ADGRG3: variants seen among roughly 807,000 people sequenced by gnomAD.
ADGRG3 encodes the protein adhesion G protein-coupled receptor G3.
In ADGRG3, 39 loss-of-function variants were observed where a neutral mutation model predicts 54.3. The ratio of observed to expected loss-of-function variants is 0.72; its 90% confidence interval spans 0.56 to 0.94. The LOEUF (loss-of-function observed/expected upper bound fraction) is 0.94. ADGRG3 is among the 40% of genes least tolerant of loss of function. ADGRG3 has a pLI of 0.00. For missense variants in ADGRG3, 654 were observed against 694.6 expected, an observed-to-expected ratio of 0.94 and a Z score of 0.66; for synonymous variants, 312 against 290.0, an observed-to-expected ratio of 1.08 and a Z score of -0.77.
At chr16:57,687,398 C>T (rs2148717222) in intron 11 of ADGRG3, among the ~76,000 whole-genome samples, 1 of 152,298 alleles carries the variant, frequency 6.6e-6, no homozygotes, top group East Asian at 1.9e-4. Context: ...ACTACAGGCA[C>T]ATGCCACCAT....
rs577213052 is a variant in ADGRG3 at position 57,668,854 on chromosome 16, C to A, written c.58+449C>A. Reference sequence around the variant, plus strand: ...CCTCGTTCTTCTGGACCTCTCCTCCCGCACATGTCACCCCACACCGGCTCC... The same window carrying A: ...CCTCGTTCTTCTGGACCTCTCCTCCAGCACATGTCACCCCACACCGGCTCC... On this transcript the variant is annotated intron_variant, in intron 1 of 11. Transcript: ENST00000333493. Among the ~76,000 whole-genome samples the A allele has an allele frequency of 3.9e-5, 6 of 152,320 alleles. No individual in the cohort carries two copies. In the South Asian group the frequency reaches 1.2e-3, roughly 32 times the overall value.
At position 57,674,163 on chromosome 16, in the gene ADGRG3, G is replaced by A. The variant is rs79622471; in HGVS notation, c.206+695G>A. Among the ~76,000 whole-genome samples the A allele has an allele frequency of 1.8e-4, 27 of 152,218 alleles. No individual in the cohort carries two copies. In the East Asian group the frequency reaches 5.2e-3, roughly 29 times the overall value. On this transcript the variant is annotated intron_variant, in intron 2 of 11. Coordinates refer to ENST00000333493, the MANE Select transcript of ADGRG3 (RefSeq NM_170776.5). ...AGGGACCGGTGATGCAGGAAGACATGACCCAGTAGGATGCATCACAGGGGT... is the reference window on the plus strand; with the variant it reads ...AGGGACCGGTGATGCAGGAAGACATAACCCAGTAGGATGCATCACAGGGGT...
chr16:57,679,911 A>G, intron 6 of ADGRG3, 56 bp downstream of exon 6: 2 of 1,410,480 alleles, frequency 1.4e-6, no homozygotes, highest in East Asian at 2.3e-5. Flanking sequence ...TATGGGCTGC[A>G]TTGTGGGGCG....
chr16:57,680,456 T>C (rs765297205), intron 7 of ADGRG3, 49 bp from the exon 8 acceptor site: 2 of 1,577,648 alleles, frequency 1.3e-6, no homozygotes, highest in Admixed American at 1.7e-5. Context: ...TTTGGGTATA[T>C]GGGCCTGGCC....
At chr16:57,678,421 G>A in intron 4 of ADGRG3, 105 bp downstream of exon 4, 2 of 1,140,774 alleles carry the variant, frequency 1.8e-6, no homozygotes, top group Non-Finnish European at 1.3e-6. Context: ...TGGGGACAGA[G>A]CAGGCAGTGA....
At chr16:57,677,551 C>T (rs1194160983) in intron 3 of ADGRG3, among the ~76,000 whole-genome samples, 1 of 152,164 alleles carries the variant, frequency 6.6e-6, no homozygotes, top group Admixed American at 6.5e-5. Context: ...CATTGCACTC[C>T]AGCCTGGGCA....
Position 57,683,212 on chromosome 16 carries a change from G to GT in ADGRG3, c.882-712dup, listed in dbSNP as rs567297089. ...TGGTATAGTTTGGGTCATTCCAGGTGTTTTTTTTCTTCTCTTCCCAAGGCT... is the reference window on the plus strand; with the variant it reads ...TGGTATAGTTTGGGTCATTCCAGGTGTTTTTTTTTCTTCTCTTCCCAAGGCT... On this transcript the variant is annotated intron_variant, in intron 8 of 11. Coordinates refer to ENST00000333493, the MANE Select transcript of ADGRG3 (RefSeq NM_170776.5). 4.3e-4 allele frequency among the ~76,000 whole-genome samples: 65 copies of GT among 152,206 alleles called. 2 individuals are homozygous for GT. In the East Asian group the frequency reaches 5.0e-3, roughly 12 times the overall value.
At chr16:57,681,383 T>TGTGC (rs1283006100) in intron 8 of ADGRG3, among the ~76,000 whole-genome samples, 1,966 of 88,196 alleles carry the variant, frequency 0.022, 50 homozygotes, top group African/African-American at 0.099. Context: ...TGTGCGCGCG[T>TGTGC]GCGTGCGCGC....
chr16:57,688,419 T>G lies in ADGRG3; in HGVS notation c.1608T>G (p.Ser536=). 1 of 1,613,136 alleles carries G rather than the reference T, an allele frequency of 6.2e-7. No homozygotes were observed. Residue 536 remains serine, a synonymous_variant, in exon 12 of 12, where the codon TCT becomes TCG. Transcript: ENST00000333493. ...LPSQSTTVSS[S]TARLDQAHSA... ...GTCAGAGCACCACAGTCTCCTCCTC[T>G]ACTGCAAGATTGGACCAGGCCCACT... is the stretch of plus-strand genomic sequence containing the variant.
In ADGRG3 at chr16:57,684,002, C is replaced by T. The variant is rs767494492; in HGVS notation, c.952C>T (p.Leu318Phe). 3.1e-6 allele frequency: 5 copies of T among 1,609,164 alleles called. No individual in the cohort carries two copies. Among genetic ancestry groups the T allele is most frequent in the South Asian group, 2.2e-5 (2 of 90,772 alleles). Reference sequence around the variant, plus strand: ...CGTGGCCCTGGGTGGCAGCCTGTTCCTCCTGAATCTGGCCTTCTTGGTCAA... The same window carrying T: ...CGTGGCCCTGGGTGGCAGCCTGTTCTTCCTGAATCTGGCCTTCTTGGTCAA... ...IHVALGGSLF[L>F]LNLAFLVNVG... Residue 318 changes from leucine to phenylalanine, a missense_variant, in exon 9 of 12, where the codon CTC (leucine) becomes TTC (phenylalanine). By Grantham distance (22) the Leu-to-Phe change is conservative. Transcript: ENST00000333493.
In ADGRG3 at chr16:57,668,311, G is replaced by A. The variant is rs777516594; in HGVS notation, c.-37G>A. On this transcript the variant is annotated 5_prime_UTR_variant, in exon 1 of 12. Coordinates refer to ENST00000333493, the MANE Select transcript of ADGRG3 (RefSeq NM_170776.5). ...GAGCCTGGGGCCAGAGGGCCAGACA[G>A]CCACAGAGCTCCTGGCGTGGGCAAG... is the stretch of plus-strand genomic sequence containing the variant. The A allele has an allele frequency of 2.0e-6, 3 of 1,537,374 alleles. No individual in the cohort carries two copies. The highest frequency in any genetic ancestry group is 1.9e-5 in the Admixed American group (1 of 51,360).
chr16:57,670,976 A>T (rs1316982737), intron 1 of ADGRG3, among the ~76,000 whole-genome samples: 3 of 152,134 alleles, frequency 2.0e-5, no homozygotes, highest in South Asian at 2.1e-4. Flanking sequence ...TCGCAGAGGG[A>T]GCTCTCCTAA....
chr16:57,669,461 A>C (rs1233044110), intron 1 of ADGRG3, among the ~76,000 whole-genome samples: 6 of 152,170 alleles, frequency 3.9e-5, no homozygotes, highest in African/African-American at 1.4e-4. Flanking sequence ...GGAGCCACCG[A>C]TGGCAGCTGT....
chr16:57,679,000 C>T (rs1453051225), intron 4 of ADGRG3, among the ~76,000 whole-genome samples, 177 bp from the exon 5 acceptor site: 4 of 152,122 alleles, frequency 2.6e-5, no homozygotes, highest in Non-Finnish European at 4.4e-5. Context: ...AGCAGGAGAC[C>T]ACTGGGAGCA....
chr16:57,687,078 C>T lies in ADGRG3; in HGVS notation c.1540+1152C>T, dbSNP rs114191034. On this transcript the variant is annotated intron_variant, in intron 11 of 11. Transcript: ENST00000333493. ...CGTCCTAGATGCAGCGGGTATAAGC[C>T]CCCAAGACCAGGACTGGCTCCCAGC... is the stretch of plus-strand genomic sequence containing the variant. 4.6e-3 allele frequency among the ~76,000 whole-genome samples: 708 copies of T among 152,298 alleles called. 4 individuals carry two copies. The highest frequency in any genetic ancestry group is 0.016 in the African/African-American group (649 of 41,566).
chr16:57,687,510 C>T (rs549869001), intron 11 of ADGRG3, among the ~76,000 whole-genome samples: 97 of 152,278 alleles, frequency 6.4e-4, no homozygotes, highest in Non-Finnish European at 1.2e-3. Flanking sequence ...CCTCAGCCTC[C>T]GAAAGTGCTG....
intron 4 of ADGRG3, 80 bp downstream of exon 4, chr16:57,678,396 T>C (rs1393809686): frequency 7.0e-7 from 1 of 1,424,492 alleles, no homozygotes; most frequent in South Asian, 1.2e-5. Context: ...CACTGGAGCC[T>C]GCCGAGGGAT....
chr16:57,682,343 G>A (rs1054830257), intron 8 of ADGRG3: 13 of 300,648 alleles, frequency 4.3e-5, no homozygotes, highest in Non-Finnish European at 5.4e-5. Flanking sequence ...TCCTGCCCCC[G>A]CATCCAGGGC....
At chr16:57,680,012 C>A (rs2048335392) in intron 6 of ADGRG3, among the ~76,000 whole-genome samples, 157 bp downstream of exon 6, 1 of 52,736 alleles carries the variant, frequency 1.9e-5, no homozygotes, top group Non-Finnish European at 3.1e-5. Flanking sequence ...CCTTCCCCTC[C>A]CCTCCCCCCC....
Sources: allele counts gnomAD v4.1 joint callset (sites outside exome capture counted in the v4.1 genomes callset), GRCh38; gene constraint gnomAD v4.1.1; transcripts MANE v1.5; gene names NCBI Gene and HGNC (gene_info 2026-07-23, HGNC 2026-07-21).